Variants in CACNA1D observed in about 807,000 individuals in gnomAD.
CACNA1D encodes voltage-dependent L-type calcium channel subunit alpha-1D.
CACNA1D carries 55 observed loss-of-function variants against 257.1 expected under a neutral mutation model. The observed-to-expected ratio is 0.21, with a 90% CI of 0.17 to 0.27. The LOEUF is 0.27. Among genes scored for constraint, CACNA1D ranks in the 10% least tolerant of loss-of-function variants. The pLI is 1.00. For missense variants in CACNA1D, 1,876 were observed against 2,784.0 expected (o/e 0.67, Z 7.34); for synonymous variants, 980 against 1,014.9 (o/e 0.97, Z 0.65).
At chr3:53,747,489 C>A in intron 26 of CACNA1D, 41 bp downstream of exon 26, 1 of 1,605,874 alleles carries the variant, frequency 6.2e-7, no homozygotes, top group Non-Finnish European at 8.5e-7. Flanking sequence ...GAGGCACCTG[C>A]GTGCCCAGGG....
intron 4 of CACNA1D, among the ~76,000 whole-genome samples, chr3:53,655,556 T>C (rs1394543024): frequency 6.6e-6 from 1 of 152,252 alleles, no homozygotes; most frequent in Non-Finnish European, 1.5e-5. Flanking sequence ...TGCACTTCTC[T>C]AACGATCAGT....
At chr3:53,750,504 G>A (rs901199580) in intron 27 of CACNA1D, among the ~76,000 whole-genome samples, 3 of 152,238 alleles carry the variant, frequency 2.0e-5, no homozygotes, top group Non-Finnish European at 2.9e-5. Context: ...ATAGCTGGCT[G>A]TACCCACTGG....
intron 3 of CACNA1D, among the ~76,000 whole-genome samples, chr3:53,554,157 T>C (rs1205089501): frequency 5.3e-5 from 8 of 150,906 alleles, no homozygotes; most frequent in African/African-American, 2.0e-4. Flanking sequence ...GATGGCACCA[T>C]TGCACTCCAG....
intron 38 of CACNA1D, among the ~76,000 whole-genome samples, chr3:53,781,017 C>T (rs911000386): frequency 6.6e-6 from 1 of 152,232 alleles, no homozygotes; most frequent in African/African-American, 2.4e-5. Context: ...TACCTGGCCC[C>T]AGGCCAGCAT....
chr3:53,670,923 G>C (rs540805714), intron 7 of CACNA1D, among the ~76,000 whole-genome samples: 3 of 152,116 alleles, frequency 2.0e-5, no homozygotes, highest in Admixed American at 2.0e-4. Flanking sequence ...CTCTGAAAAG[G>C]GACTTGGATT....
In CACNA1D at chr3:53,702,632, C is replaced by T. The variant is rs2094638506; in HGVS notation, c.1221-9C>T. The T allele has an allele frequency of 1.2e-6, 2 of 1,613,306 alleles. No homozygotes were observed. The highest frequency in any genetic ancestry group is 1.9e-4 in the Middle Eastern group (1 of 5,396). ...CCTGATATGTGCTTGTCCTCTTTGC[C>T]TCCTTCAGAGAATTCTCAAAGGAAA... is the stretch of plus-strand genomic sequence containing the variant. On this transcript the variant is annotated splice_polypyrimidine_tract_variant and intron_variant, in intron 8 of 47. Coordinates refer to ENST00000350061, the MANE Select transcript of CACNA1D (RefSeq NM_001128840.3).
At chr3:53,672,913 C>G (rs1441074060) in intron 7 of CACNA1D, 110 bp from the exon 8 acceptor site, 1 of 713,098 alleles carries the variant, frequency 1.4e-6, no homozygotes, top group Non-Finnish European at 2.4e-6. Context: ...TGATTTAAAT[C>G]TAAGTAAATG....
chr3:53,588,822 A>G (rs1025955335), intron 3 of CACNA1D, among the ~76,000 whole-genome samples: 2 of 152,238 alleles, frequency 1.3e-5, no homozygotes, highest in Admixed American at 1.3e-4. Context: ...GAGTTGAACT[A>G]TCAATAACTG....
At chr3:53,526,253 G>A (rs2091760846) in intron 3 of CACNA1D, among the ~76,000 whole-genome samples, 1 of 152,210 alleles carries the variant, frequency 6.6e-6, no homozygotes, top group South Asian at 2.1e-4. Context: ...TCTACCCTAA[G>A]TTCCTGGGCT....
intron 8 of CACNA1D, among the ~76,000 whole-genome samples, chr3:53,699,425 T>C (rs192640449): frequency 1.3e-5 from 2 of 152,360 alleles, no homozygotes; most frequent in Admixed American, 1.3e-4. Context: ...TTACTGAATG[T>C]CTTGCTTAAT....
At chr3:53,689,178 G>T (rs527926342) in intron 8 of CACNA1D, among the ~76,000 whole-genome samples, 15 of 152,212 alleles carry the variant, frequency 9.9e-5, no homozygotes, top group Admixed American at 5.9e-4. Flanking sequence ...GACAGGATTC[G>T]TTAGGATGGT....
chr3:53,786,490 G>T (rs1011549619), intron 39 of CACNA1D: 7 of 310,460 alleles, frequency 2.3e-5, no homozygotes, highest in African/African-American at 1.1e-4. Flanking sequence ...TTTTTGTTTT[G>T]TAATTTTTAT....
chr3:53,672,902 CT>C (rs1016332835), intron 7 of CACNA1D, 120 bp from the exon 8 acceptor site: 1 of 681,340 alleles, frequency 1.5e-6, no homozygotes, highest in African/African-American at 1.8e-5. Flanking sequence ...ACTGTTGTTT[CT>C]GATTTAAATC....
At chr3:53,580,601 G>A (rs1050112078) in intron 3 of CACNA1D, among the ~76,000 whole-genome samples, 1 of 152,208 alleles carries the variant, frequency 6.6e-6, no homozygotes. Flanking sequence ...TCCTCTAGAT[G>A]CAGGGACAGT....
At chr3:53,760,657 C>T (rs570887108) in intron 29 of CACNA1D, among the ~76,000 whole-genome samples, 1 of 152,318 alleles carries the variant, frequency 6.6e-6, no homozygotes, top group South Asian at 2.1e-4. Context: ...CATTTAGCAC[C>T]TGCTGTGCTG....
chr3:53,582,423 C>T (rs1369004331), intron 3 of CACNA1D, among the ~76,000 whole-genome samples: 1 of 152,042 alleles, frequency 6.6e-6, no homozygotes, highest in Non-Finnish European at 1.5e-5. Flanking sequence ...GCTGTGGATC[C>T]TGGGTGGCAG....
At chr3:53,602,471 C>A (rs2093456078) in intron 3 of CACNA1D, among the ~76,000 whole-genome samples, 1 of 152,200 alleles carries the variant, frequency 6.6e-6, no homozygotes. Context: ...GCTGTATACT[C>A]AGTTGTGGAA....
At chr3:53,740,026 G>A (rs980594912) in intron 20 of CACNA1D, among the ~76,000 whole-genome samples, 2 of 152,220 alleles carry the variant, frequency 1.3e-5, no homozygotes, top group Non-Finnish European at 2.9e-5. Context: ...GAGCCTCTCT[G>A]CCTGTCCAAG....
At chr3:53,706,987 A>G (rs2094696786) in intron 9 of CACNA1D, among the ~76,000 whole-genome samples, 1 of 152,118 alleles carries the variant, frequency 6.6e-6, no homozygotes, top group South Asian at 2.1e-4. Flanking sequence ...TTCAGAAACT[A>G]TAAAGTTCTG....
Sources: allele counts gnomAD v4.1 joint callset (sites outside exome capture counted in the v4.1 genomes callset), GRCh38; gene constraint gnomAD v4.1.1; transcripts MANE v1.5; gene names NCBI Gene and HGNC (gene_info 2026-07-23, HGNC 2026-07-21).